The following MIPOL1 variants were observed in gnomAD, a reference collection of about 807,000 sequenced individuals.
The protein encoded by MIPOL1 is mirror-image polydactyly 1, also known as mirror-image polydactyly gene 1 protein.
In MIPOL1, 57 loss-of-function variants were observed where a neutral mutation model predicts 60.9. The observed-to-expected ratio is 0.94, with a 90% confidence interval of 0.76 to 1.17. MIPOL1 has a LOEUF of 1.17. MIPOL1 is among the 50% of genes most tolerant of loss of function. The pLI is 0.00. For missense variants in MIPOL1, 551 were observed against 511.6 expected (o/e 1.08, Z -0.74); for synonymous variants, 179 against 168.8 (o/e 1.06, Z -0.47).
chr14:37,380,709 G>T (rs986068756), intron 10 of MIPOL1, among the ~76,000 whole-genome samples: 1 of 152,152 alleles, frequency 6.6e-6, no homozygotes, highest in Non-Finnish European at 1.5e-5. Flanking sequence ...TTCATAGTCA[G>T]TGTTGTTTTA....
At chr14:37,508,240 A>G (rs1480434026) in intron 12 of MIPOL1, among the ~76,000 whole-genome samples, 1 of 152,150 alleles carries the variant, frequency 6.6e-6, no homozygotes, top group East Asian at 1.9e-4. Context: ...ATTTCTTCAC[A>G]ATCAAATTTT....
At chr14:37,501,234 A>G (rs1400865027) in intron 12 of MIPOL1, among the ~76,000 whole-genome samples, 1 of 152,226 alleles carries the variant, frequency 6.6e-6, no homozygotes, top group African/African-American at 2.4e-5. Context: ...ATATTCAGTC[A>G]GAAACTATAT....
intron 1 of MIPOL1, among the ~76,000 whole-genome samples, chr14:37,216,345 A>G (rs927047961): frequency 6.6e-6 from 1 of 152,246 alleles, no homozygotes; most frequent in African/African-American, 2.4e-5. Context: ...TGGAGACTTC[A>G]ACATCCCACT....
chr14:37,369,631 C>A lies in MIPOL1; in HGVS notation c.936+7C>A. The A allele has an allele frequency of 6.2e-7, 1 of 1,607,120 alleles. No individual in the cohort carries two copies. The highest frequency in any genetic ancestry group is 1.1e-5 in the South Asian group (1 of 90,896). ...TCAAGAACGTGCTCTGAAGGTAAAT[C>A]TCCGTTCCTTCTTGCAGGCAAATTA... On this transcript the variant is annotated splice_region_variant and intron_variant, in intron 10 of 12. Transcript: ENST00000684589.
chr14:37,225,882 C>A (rs529781917), intron 1 of MIPOL1, among the ~76,000 whole-genome samples: 1 of 152,102 alleles, frequency 6.6e-6, no homozygotes, highest in Admixed American at 6.6e-5. Context: ...AGTCACCTCT[C>A]GAATGCTTTG....
rs1485253884 is a variant in MIPOL1, at chr14:37,356,928, TC to T, written c.829-12583del. 2.6e-5 allele frequency among the ~76,000 whole-genome samples: 4 copies of T among 152,098 alleles called. No individual in the cohort carries two copies. The East Asian group carries it at 7.7e-4, about 29-fold the overall frequency. On this transcript the variant is annotated intron_variant, in intron 9 of 12. Coordinates refer to ENST00000684589, the MANE Select transcript of MIPOL1 (RefSeq NM_001388067.1). Reference sequence around the variant, plus strand: ...GTTTCTATTCGGCCATCTTGGCTCCTCCCCCCAGGATCTCATTTTTTTATGA... The same window carrying T: ...GTTTCTATTCGGCCATCTTGGCTCCTCCCCCAGGATCTCATTTTTTTATGA...
At chr14:37,237,723 T>C (rs1971710651) in intron 1 of MIPOL1, among the ~76,000 whole-genome samples, 1 of 152,058 alleles carries the variant, frequency 6.6e-6, no homozygotes, top group Admixed American at 6.5e-5. Context: ...GTAGTTAACT[T>C]TTGCACCCAA....
At chr14:37,484,362 G>A (rs1197208670) in intron 11 of MIPOL1, among the ~76,000 whole-genome samples, 4 of 117,620 alleles carry the variant, frequency 3.4e-5, no homozygotes, top group South Asian at 5.2e-4. Flanking sequence ...TTTTTGAGAC[G>A]GAGTCTCGCT....
intron 6 of MIPOL1, among the ~76,000 whole-genome samples, chr14:37,272,248 T>C (rs931911404): frequency 1.3e-5 from 2 of 151,588 alleles, no homozygotes; most frequent in Admixed American, 1.3e-4. Flanking sequence ...CTTATAAAAA[T>C]GACACAAAAT....
intron 11 of MIPOL1, among the ~76,000 whole-genome samples, chr14:37,456,262 G>T (rs530604206): frequency 6.6e-6 from 1 of 151,628 alleles, no homozygotes; most frequent in Non-Finnish European, 1.5e-5. Context: ...ATATTTTCTT[G>T]AATAGTTAAC....
chr14:37,368,861 ATTC>A (rs2092558514), intron 9 of MIPOL1, among the ~76,000 whole-genome samples: 1 of 152,022 alleles, frequency 6.6e-6, no homozygotes, highest in African/African-American at 2.4e-5. Flanking sequence ...TTTTACTTAT[ATTC>A]TCTTATATTC....
chr14:37,245,527 ATTTAT>A (rs1248026268), intron 1 of MIPOL1, among the ~76,000 whole-genome samples: 2 of 152,042 alleles, frequency 1.3e-5, no homozygotes, highest in African/African-American at 4.8e-5. Context: ...TAATATTTTG[ATTTAT>A]TTTATTTTTA....
At chr14:37,487,290 A>G (rs2094963102) in intron 11 of MIPOL1, among the ~76,000 whole-genome samples, 1 of 151,974 alleles carries the variant, frequency 6.6e-6, no homozygotes, top group African/African-American at 2.4e-5. Flanking sequence ...ATTTGCCTGA[A>G]ATTTTCTTTT....
At chr14:37,394,054 TG>T (rs1291506828) in intron 10 of MIPOL1, among the ~76,000 whole-genome samples, 1 of 31,416 alleles carries the variant, frequency 3.2e-5, no homozygotes, top group Non-Finnish European at 6.9e-5. Flanking sequence ...GGCTTAGTAG[TG>T]GCATATATAT....
chr14:37,470,515 A>T (rs548700226), intron 11 of MIPOL1, among the ~76,000 whole-genome samples: 1 of 152,160 alleles, frequency 6.6e-6, no homozygotes, highest in East Asian at 1.9e-4. Flanking sequence ...CTGCTCTGCC[A>T]TGTGAAGATG....
At chr14:37,509,781 A>G (rs755364080) in intron 12 of MIPOL1, among the ~76,000 whole-genome samples, 3 of 151,052 alleles carry the variant, frequency 2.0e-5, no homozygotes, top group Non-Finnish European at 4.4e-5. Flanking sequence ...GTGTGTATAT[A>G]CATGTATGTA....
chr14:37,333,426 T>G (rs527827219), intron 9 of MIPOL1, among the ~76,000 whole-genome samples: 42 of 152,262 alleles, frequency 2.8e-4, no homozygotes, highest in African/African-American at 9.9e-4. Flanking sequence ...AAGGACCAAC[T>G]GTACTCCAAT....
intron 7 of MIPOL1, among the ~76,000 whole-genome samples, chr14:37,295,419 A>C (rs2085544715): frequency 6.6e-6 from 1 of 152,220 alleles, no homozygotes; most frequent in South Asian, 2.1e-4. Flanking sequence ...TAACCAGCTA[A>C]CATCATAATG....
intron 1 of MIPOL1, among the ~76,000 whole-genome samples, chr14:37,211,530 G>T (rs1966843361): frequency 6.6e-6 from 1 of 152,162 alleles, no homozygotes; most frequent in South Asian, 2.1e-4. Flanking sequence ...AGCAGCCCTA[G>T]CCGGAGGGGA....
Sources: allele counts gnomAD v4.1 joint callset (sites outside exome capture counted in the v4.1 genomes callset), GRCh38; gene constraint gnomAD v4.1.1; transcripts MANE v1.5; gene names NCBI Gene and HGNC (gene_info 2026-07-23, HGNC 2026-07-21).